The following CPLANE1 variants were observed in gnomAD, a reference collection of about 807,000 sequenced individuals.
CPLANE1 encodes ciliogenesis and planar polarity effector complex subunit 1.
Under a neutral mutation model 362.5 loss-of-function variants are expected in CPLANE1, and 263 were observed. That is an observed-to-expected ratio of 0.73 (90% CI 0.66 to 0.80). The LOEUF (loss-of-function observed/expected upper bound fraction) is 0.80, where lower values mean the gene tolerates loss of function less well. Among genes scored for constraint, CPLANE1 ranks in the 30% least tolerant of loss-of-function variants. The pLI, the probability that CPLANE1 is intolerant of heterozygous loss-of-function variation, is 0.00. For synonymous variants in CPLANE1, 1,212 were observed against 1,302.6 expected, an observed-to-expected ratio of 0.93 and a Z score of 1.50; for missense variants, 3,461 against 3,793.4, an observed-to-expected ratio of 0.91 and a Z score of 2.30.
rs1337691600 is a variant in CPLANE1, at chr5:37,169,063, C to T, written c.6961G>A (p.Val2321Ile). The T allele has an allele frequency of 1.9e-6, 3 of 1,614,092 alleles. No homozygotes were observed. The highest frequency in any genetic ancestry group is 2.5e-6 in the Non-Finnish European group (3 of 1,180,046). Residue 2321 changes from valine (V) to isoleucine (I), a missense_variant, in exon 34 of 53, where the codon GTT becomes ATT. Val to Ile is a conservative substitution (Grantham distance 29). Coordinates refer to ENST00000651892, the MANE Select transcript of CPLANE1 (RefSeq NM_001384732.1). The stretch of plus-strand genomic sequence containing the variant: ...TGAGGTGTCAAATTTTCTTGTCCAA[C>T]ATATTGATCCAAGTTCACATGATTA... ...IPNHVNLDQYVGQENLTPQQD... is the reference protein window; with the variant it reads ...IPNHVNLDQYIGQENLTPQQD...
At position 37,183,715 on chromosome 5, in the gene CPLANE1, A is replaced by T; in HGVS notation, c.4482-16T>A. On this transcript the variant is annotated splice_polypyrimidine_tract_variant and intron_variant, in intron 25 of 52. Transcript: ENST00000651892. ...TGGGGCATTTCTATAGCAAAAAAAT[A>T]AAATAAGACAAAATTAGAGATCATT... is the stretch of plus-strand genomic sequence containing the variant. The T allele has an allele frequency of 1.4e-6, 2 of 1,477,330 alleles. No individual in the cohort carries two copies. Among genetic ancestry groups the T allele is most frequent in the Non-Finnish European group, 1.8e-6 (2 of 1,096,692 alleles). 91.5% of individuals were successfully genotyped at this position (1,477,330 alleles called of 1,614,324 possible).
the CPLANE1 span, chr5:37,085,311 A>G: frequency 8.6e-7 from 1 of 1,158,752 alleles, no homozygotes. Flanking sequence ...TGCTGGATTC[A>G]TGGATGTCAT....
At chr5:37,090,178 G>A in the CPLANE1 span, among the ~76,000 whole-genome samples, 3 of 152,266 alleles carry the variant, frequency 2.0e-5, no homozygotes, top group South Asian at 6.2e-4. Flanking sequence ...GGGAAATTGA[G>A]GAAATAGAAC....
chr5:37,144,063 C>T (rs1047939952), intron 43 of CPLANE1, among the ~76,000 whole-genome samples: 5 of 151,426 alleles, frequency 3.3e-5, no homozygotes, highest in African/African-American at 1.2e-4. Flanking sequence ...TGAAAAGTCC[C>T]CAAAGTTAAA....
intron 44 of CPLANE1, chr5:37,141,516 C>A (rs1769709750): frequency 1.0e-6 from 1 of 983,302 alleles, no homozygotes; most frequent in African/African-American, 1.7e-5. Context: ...AAAATAATTA[C>A]AAGATTTAAA....
intron 32 of CPLANE1, among the ~76,000 whole-genome samples, chr5:37,172,881 G>A (rs539278470): frequency 6.6e-6 from 1 of 152,302 alleles, no homozygotes; most frequent in Non-Finnish European, 1.5e-5. Flanking sequence ...AGCTACTCAG[G>A]AGGCTGAGGC....
chr5:37,162,992 T>C (rs1777252937), intron 37 of CPLANE1, among the ~76,000 whole-genome samples: 1 of 152,246 alleles, frequency 6.6e-6, no homozygotes, highest in Non-Finnish European at 1.5e-5. Context: ...AAATGGGCTT[T>C]CTCAATGAAG....
At chr5:37,200,496 A>G (rs1788833081) in intron 19 of CPLANE1, among the ~76,000 whole-genome samples, 1 of 152,248 alleles carries the variant, frequency 6.6e-6, no homozygotes, top group Admixed American at 6.5e-5. Flanking sequence ...ATCAACAAGT[A>G]AAATGTTTTA....
chr5:37,166,162 G>C (rs1778175413), intron 35 of CPLANE1, among the ~76,000 whole-genome samples: 2 of 152,310 alleles, frequency 1.3e-5, no homozygotes, highest in South Asian at 2.1e-4. Context: ...AGATTTTACA[G>C]TCTGATAAAT....
At chr5:37,216,119 G>A (rs546463388) in intron 15 of CPLANE1, among the ~76,000 whole-genome samples, 1 of 152,236 alleles carries the variant, frequency 6.6e-6, no homozygotes, top group East Asian at 1.9e-4. Context: ...TTACAGGTGT[G>A]AGCCACCATG....
intron 26 of CPLANE1, 57 bp downstream of exon 26, chr5:37,182,703 G>T: frequency 9.6e-7 from 1 of 1,043,588 alleles, no homozygotes; most frequent in Non-Finnish European, 1.4e-6. Context: ...TGTAAACATA[G>T]TTTTAATCTA....
chr5:37,244,652 T>C (rs918089262), intron 4 of CPLANE1, 45 bp from the exon 5 acceptor site: 17 of 1,067,706 alleles, frequency 1.6e-5, no homozygotes, highest in Non-Finnish European at 2.0e-5. Flanking sequence ...GAAGTCTGAA[T>C]TCCCCCCAAT....
chr5:37,187,161 C>A (rs1784318137), intron 23 of CPLANE1, among the ~76,000 whole-genome samples: 2 of 151,422 alleles, frequency 1.3e-5, no homozygotes, highest in Non-Finnish European at 2.9e-5. Flanking sequence ...ACCCTTTGAC[C>A]AAGATCTCCC....
chr5:37,107,503 T>G lies in CPLANE1; in HGVS notation c.*99A>C. On this transcript the variant is annotated 3_prime_UTR_variant, in exon 53 of 53. Transcript: ENST00000651892. The stretch of plus-strand genomic sequence containing the variant: ...ATGAAAGCAAATGGAAAATTCACAT[T>G]GCTTCTTTCATTGCTTCTGTCCCTT... The G allele has an allele frequency of 1.5e-6, 2 of 1,327,532 alleles. No homozygotes were observed. Among genetic ancestry groups the G allele is most frequent in the Non-Finnish European group, 1.9e-6 (2 of 1,030,704 alleles). 82.2% of individuals were successfully genotyped at this position (1,327,532 alleles called of 1,614,324 possible).
chr5:37,182,647 T>C (rs889821194), intron 26 of CPLANE1, 113 bp downstream of exon 26: 2 of 711,010 alleles, frequency 2.8e-6, no homozygotes, highest in East Asian at 2.9e-5. Context: ...TAATCAACAT[T>C]GTCATTAATT....
Position 37,224,311 on chromosome 5 carries a change from T to C in CPLANE1, c.2523A>G (p.Gly841=), listed in dbSNP as rs1223760695. 2 of 1,548,522 alleles carry C rather than the reference T, an allele frequency of 1.3e-6. No homozygotes were observed. Among genetic ancestry groups the C allele is most frequent in the East Asian group, 2.5e-5 (1 of 40,784 alleles). ...SINGEECFLL[G]SYEKSVQLWK... ...ACAGCTGAACAGACTTTTCATATGA[T>C]CCTAATAAAAAACATTCTTCCCCTA... Residue 841 remains glycine, a synonymous_variant, in exon 14 of 53, where the codon GGA becomes GGG. Transcript: ENST00000651892.
chr5:37,238,487 C>CTTT lies in CPLANE1; in HGVS notation c.938+367_938+369dup, dbSNP rs869153501. ...CGTGAGCCACAGCGCCCAGCCTTTT[C>CTTT]TTTTTTTTTTTTTTTTTTTTTTTTT... On this transcript the variant is annotated intron_variant, in intron 8 of 52. Coordinates refer to ENST00000651892, the MANE Select transcript of CPLANE1 (RefSeq NM_001384732.1). Among the ~76,000 whole-genome samples, 185 of 80,654 alleles carry CTTT rather than the reference C, an allele frequency of 2.3e-3. 8 individuals are homozygous for CTTT. Among genetic ancestry groups the CTTT allele is most frequent in the Middle Eastern group, 9.8e-3 (1 of 102 alleles). 52.9% of individuals were successfully genotyped at this position (80,654 alleles called of 152,430 possible). A position where few individuals can be genotyped will look rare whatever the true frequency, so the allele number is the denominator to read the frequency against.
chr5:37,183,107 T>C lies in CPLANE1; in HGVS notation c.5074A>G (p.Thr1692Ala), dbSNP rs1783116205. The change falls in exon 26 of 53, where the codon ACT (threonine) becomes GCT (alanine). Residue 1692 changes from threonine (T) to alanine (A), a missense_variant. Physicochemically the swap from Thr to Ala is moderately conservative, Grantham distance 58. This residue lies in a region of CPLANE1 where 3,380 missense variants were observed against 3,666.1 expected (regional missense o/e 0.92). Coordinates refer to ENST00000651892, the MANE Select transcript of CPLANE1 (RefSeq NM_001384732.1). ...CTCTGGATTAGACATTTCTCTCTAG[T>C]GTCATCTTGTATTTTGTAAATTGAC... ...QRSIYKIQDDTREKCLIQRSS... is the reference protein window; with the variant it reads ...QRSIYKIQDDAREKCLIQRSS... 3.7e-6 allele frequency: 6 copies of C among 1,613,286 alleles called. No individual in the cohort carries two copies. Among genetic ancestry groups the C allele is most frequent in the Non-Finnish European group, 5.1e-6 (6 of 1,179,722 alleles).
In CPLANE1 at chr5:37,170,121, C is replaced by A. The variant is rs772723784; in HGVS notation, c.6382G>T (p.Ala2128Ser). The change falls in exon 33 of 53, where the codon GCC becomes TCC. Residue 2128 changes from alanine to serine, a missense_variant. Ala to Ser is a moderately conservative substitution (Grantham distance 99, BLOSUM62 1). This residue lies in a region of CPLANE1 where 3,380 missense variants were observed against 3,666.1 expected (regional missense o/e 0.92). Coordinates refer to ENST00000651892, the MANE Select transcript of CPLANE1 (RefSeq NM_001384732.1). ...GGGCTGTTCTTGCGAGGCTCTCTGG[C>A]GTTCTCTCCCATTGACTGTGGTTTA... ...FIKPQSMGENAREPRKNSPHC... is the reference protein window; with the variant it reads ...FIKPQSMGENSREPRKNSPHC... 1.2e-6 allele frequency: 2 copies of A among 1,613,994 alleles called. No individual in the cohort carries two copies. The highest frequency in any genetic ancestry group is 2.2e-5 in the East Asian group (1 of 44,904).
Sources: gnomAD v4.1 joint callset for allele counts (sites outside exome capture counted in the v4.1 genomes callset) on GRCh38, gnomAD v4.1.1 for gene constraint, gnomAD v4.1.1 regional missense constraint, MANE v1.5 for transcripts, NCBI Gene and HGNC (gene_info 2026-07-23, HGNC 2026-07-21) for gene names.